Variants in PTPRD observed in about 807,000 individuals in gnomAD.
PTPRD encodes the protein protein tyrosine phosphatase receptor type D.
PTPRD carries 34 observed loss-of-function variants against 214.5 expected under a neutral mutation model. The ratio of observed to expected loss-of-function variants is 0.16; its 90% confidence interval spans 0.12 to 0.21. The LOEUF is 0.21. PTPRD is among the 10% of genes least tolerant of loss of function. The pLI, the probability that PTPRD is intolerant of heterozygous loss-of-function variation, is 1.00. For synonymous variants in PTPRD, 1,128 were observed against 845.7 expected (o/e 1.33, Z -5.79); for missense variants, 2,545 against 2,398.7 (o/e 1.06, Z -1.27).
chr9:9,755,601 T>C (rs1377688646), intron 6 of PTPRD, among the ~76,000 whole-genome samples: 1 of 152,056 alleles, frequency 6.6e-6, no homozygotes, highest in Non-Finnish European at 1.5e-5. Context: ...TATAGTACAG[T>C]TATTATAATC....
At chr9:9,441,022 T>A (rs937893560) in intron 8 of PTPRD, among the ~76,000 whole-genome samples, 1 of 152,206 alleles carries the variant, frequency 6.6e-6, no homozygotes, top group Non-Finnish European at 1.5e-5. Context: ...TGAAATGTCC[T>A]GTGAGACTTC....
chr9:9,990,699 CAT>C (rs1566959643), intron 4 of PTPRD, among the ~76,000 whole-genome samples: 1 of 152,214 alleles, frequency 6.6e-6, no homozygotes, highest in African/African-American at 2.4e-5. Context: ...AGCCCTGTTG[CAT>C]TGATTTTCTT....
rs12346663 is a variant in PTPRD at position 9,483,603 on chromosome 9, A to G, written c.-236-86121T>C. The stretch of plus-strand genomic sequence containing the variant: ...TGGGAGATGGAGAGAAAAACATCAC[A>G]TTTTGGTCTTTGTCTCATTGCTAGA... On this transcript the variant is annotated intron_variant, in intron 8 of 45. Coordinates refer to ENST00000381196, the MANE Select transcript of PTPRD (RefSeq NM_002839.4). Among the ~76,000 whole-genome samples the G allele has an allele frequency of 4.5e-3, 677 of 152,086 alleles. 8 individuals carry two copies. The highest frequency in any genetic ancestry group is 6.1e-3 in the Non-Finnish European group (413 of 67,958).
chr9:10,061,550 T>C (rs2097777627), intron 3 of PTPRD, among the ~76,000 whole-genome samples: 1 of 152,048 alleles, frequency 6.6e-6, no homozygotes. Context: ...ATTAACTACA[T>C]AATTAGTCTA....
At chr9:9,227,373 G>T (rs917606392) in intron 9 of PTPRD, among the ~76,000 whole-genome samples, 1 of 152,074 alleles carries the variant, frequency 6.6e-6, no homozygotes, top group African/African-American at 2.4e-5. Flanking sequence ...TACAACCTCA[G>T]CCCCTAGCCT....
intron 22 of PTPRD, among the ~76,000 whole-genome samples, chr9:8,506,137 T>C (rs980438773): frequency 6.6e-6 from 1 of 152,236 alleles, no homozygotes; most frequent in Non-Finnish European, 1.5e-5. Context: ...TAATTTATTA[T>C]AACATCCAAA....
chr9:8,609,589 G>T (rs1368152752), intron 14 of PTPRD, among the ~76,000 whole-genome samples: 1 of 152,180 alleles, frequency 6.6e-6, no homozygotes, highest in African/African-American at 2.4e-5. Flanking sequence ...AAAAACCACA[G>T]AACAGGAGCA....
intron 12 of PTPRD, among the ~76,000 whole-genome samples, chr9:8,663,340 C>T: frequency 6.9e-6 from 1 of 144,196 alleles, no homozygotes; most frequent in African/African-American, 2.6e-5. Flanking sequence ...GAAAAAGCTA[C>T]TATTAAGAAA....
intron 10 of PTPRD, among the ~76,000 whole-genome samples, chr9:9,115,804 CAA>C (rs1358595076): frequency 6.6e-6 from 1 of 151,992 alleles, no homozygotes; most frequent in Non-Finnish European, 1.5e-5. Context: ...CTCAGAATAG[CAA>C]AGTCATGGAA....
At chr9:9,404,367 G>T (rs1050406235) in intron 8 of PTPRD, among the ~76,000 whole-genome samples, 4 of 152,090 alleles carry the variant, frequency 2.6e-5, no homozygotes, top group Non-Finnish European at 5.9e-5. Context: ...AGTGTAGCTG[G>T]AGATGGAGAA....
intron 7 of PTPRD, among the ~76,000 whole-genome samples, chr9:9,656,466 G>A (rs1405754658): frequency 6.6e-6 from 1 of 151,980 alleles, no homozygotes; most frequent in African/African-American, 2.4e-5. Flanking sequence ...AAGAAATGTA[G>A]GAAAATTAAA....
chr9:9,384,112 A>T lies in PTPRD; in HGVS notation c.-203+13337T>A, dbSNP rs138579981. Among the ~76,000 whole-genome samples, 716 of 150,776 alleles carry T rather than the reference A, an allele frequency of 4.7e-3. 7 individuals are homozygous for T. Among genetic ancestry groups the T allele is most frequent in the African/African-American group, 0.017 (674 of 40,520 alleles). On this transcript the variant is annotated intron_variant, in intron 9 of 45. Coordinates refer to ENST00000381196, the MANE Select transcript of PTPRD (RefSeq NM_002839.4). ...TGAAGGGACATTAAAAACTTTTCAC[A>T]TACTTTTTTTTTTGCTTATAGATAC...
At chr9:9,148,209 G>C (rs972281846) in intron 10 of PTPRD, among the ~76,000 whole-genome samples, 1 of 152,120 alleles carries the variant, frequency 6.6e-6, no homozygotes, top group Non-Finnish European at 1.5e-5. Context: ...TTACTTTAGA[G>C]GTTACTTTAA....
intron 11 of PTPRD, among the ~76,000 whole-genome samples, chr9:8,941,890 C>T (rs1182556520): frequency 1.3e-5 from 2 of 152,190 alleles, no homozygotes; most frequent in African/African-American, 4.8e-5. Flanking sequence ...ACTGCAACCT[C>T]CGCCTCCCGG....
chr9:9,647,175 C>A (rs570876620), intron 7 of PTPRD, among the ~76,000 whole-genome samples: 1 of 148,340 alleles, frequency 6.7e-6, no homozygotes. Context: ...TTGCATCTTT[C>A]CCCCCCCTCT....
intron 14 of PTPRD, among the ~76,000 whole-genome samples, chr9:8,558,117 G>T (rs1055407581): frequency 6.6e-6 from 1 of 152,084 alleles, no homozygotes; most frequent in Non-Finnish European, 1.5e-5. Flanking sequence ...AAAATGAGAG[G>T]TACAGAGAGA....
At chr9:9,994,197 T>G (rs912717360) in intron 4 of PTPRD, among the ~76,000 whole-genome samples, 1 of 152,158 alleles carries the variant, frequency 6.6e-6, no homozygotes, top group Non-Finnish European at 1.5e-5. Flanking sequence ...TAGCAGGGAT[T>G]TGGGATTTTA....
At chr9:8,609,826 T>G (rs2095377014) in intron 14 of PTPRD, among the ~76,000 whole-genome samples, 1 of 152,190 alleles carries the variant, frequency 6.6e-6, no homozygotes, top group Non-Finnish European at 1.5e-5. Context: ...TTTGACTTTT[T>G]CCTTCCTTTT....
chr9:9,096,423 G>T (rs2099783604), intron 10 of PTPRD, among the ~76,000 whole-genome samples: 1 of 152,090 alleles, frequency 6.6e-6, no homozygotes, highest in African/African-American at 2.4e-5. Flanking sequence ...GCGACATTTT[G>T]GTTAAACTCC....
Sources: gnomAD v4.1 joint callset for allele counts (sites outside exome capture counted in the v4.1 genomes callset) on GRCh38, gnomAD v4.1.1 for gene constraint, MANE v1.5 for transcripts, NCBI Gene and HGNC (gene_info 2026-07-23, HGNC 2026-07-21) for gene names.